The following CEP85L variants were observed in gnomAD, a reference collection of about 807,000 sequenced individuals.
The protein encoded by CEP85L is centrosomal protein 85L.
Under a neutral mutation model 100.3 loss-of-function variants are expected in CEP85L, and 60 were observed. The ratio of observed to expected loss-of-function variants is 0.60; its 90% CI spans 0.49 to 0.74. CEP85L has a LOEUF of 0.74. CEP85L is among the 30% of genes least tolerant of loss of function. CEP85L has a pLI of 0.00. For missense variants in CEP85L, 973 were observed against 936.2 expected, an observed-to-expected ratio of 1.04 and a Z score of -0.51; for synonymous variants, 319 against 322.7, an observed-to-expected ratio of 0.99 and a Z score of 0.12.
chr6:118,554,956 A>C (rs753142766), intron 3 of CEP85L, among the ~76,000 whole-genome samples: 2 of 152,210 alleles, frequency 1.3e-5, no homozygotes, highest in Non-Finnish European at 2.9e-5. Context: ...TATATGCTTC[A>C]TGATAAACTC....
intron 1 of CEP85L, among the ~76,000 whole-genome samples, chr6:118,667,181 A>G (rs1416561251): frequency 6.6e-6 from 1 of 152,176 alleles, no homozygotes; most frequent in Non-Finnish European, 1.5e-5. Flanking sequence ...ACTATACGGG[A>G]TGGTGCTGAG....
At chr6:118,581,996 A>C (rs1780603507) in intron 2 of CEP85L, among the ~76,000 whole-genome samples, 1 of 152,194 alleles carries the variant, frequency 6.6e-6, no homozygotes, top group Admixed American at 6.5e-5. Flanking sequence ...CCTGTGAAAC[A>C]GCCCAGACCT....
At chr6:118,595,662 A>G (rs1781425402) in intron 2 of CEP85L, among the ~76,000 whole-genome samples, 1 of 152,216 alleles carries the variant, frequency 6.6e-6, no homozygotes, top group Admixed American at 6.5e-5. Flanking sequence ...CGTACATATA[A>G]TGCATGAAGT....
intron 1 of CEP85L, among the ~76,000 whole-genome samples, chr6:118,701,638 G>C (rs540174721): frequency 6.6e-6 from 1 of 152,190 alleles, no homozygotes; most frequent in Non-Finnish European, 1.5e-5. Flanking sequence ...GAGAGGGAGA[G>C]AGAAAGGCAA....
chr6:118,641,604 A>G (rs1470273289), intron 1 of CEP85L, among the ~76,000 whole-genome samples: 1 of 152,144 alleles, frequency 6.6e-6, no homozygotes, highest in African/African-American at 2.4e-5. Flanking sequence ...TCGTATGGGT[A>G]TGCATTGCAG....
intron 1 of CEP85L, among the ~76,000 whole-genome samples, chr6:118,649,862 T>G (rs762384624): frequency 6.6e-6 from 1 of 151,892 alleles, no homozygotes; most frequent in Non-Finnish European, 1.5e-5. Flanking sequence ...AGGACCAAAC[T>G]TAAGTGAATG....
intron 4 of CEP85L, among the ~76,000 whole-genome samples, chr6:118,519,474 G>GTGTGT (rs1475826517): frequency 8.6e-4 from 37 of 43,224 alleles, no homozygotes; most frequent in East Asian, 1.7e-3. Flanking sequence ...GTGTGTGTGT[G>GTGTGT]GCGGGGGGGG....
At chr6:118,632,147 G>A (rs1470917032) in intron 2 of CEP85L, among the ~76,000 whole-genome samples, 3 of 152,030 alleles carry the variant, frequency 2.0e-5, no homozygotes, top group Non-Finnish European at 2.9e-5. Context: ...CCGCCACCAC[G>A]TCCAGCTAAT....
At chr6:118,490,858 A>G (rs193194144) in intron 6 of CEP85L, among the ~76,000 whole-genome samples, 3 of 152,310 alleles carry the variant, frequency 2.0e-5, no homozygotes, top group African/African-American at 7.2e-5. Context: ...GAAGTCCATG[A>G]AAAGTCAAAA....
chr6:118,461,766 G>A lies in CEP85L; in HGVS notation c.*3639C>T, dbSNP rs1772246225. ...TCCTGTTGTTTTGTGAACATGAATTGTCAAAAATGGAAACATGGCAGTTTC... is the reference window on the plus strand; with the variant it reads ...TCCTGTTGTTTTGTGAACATGAATTATCAAAAATGGAAACATGGCAGTTTC... On this transcript the variant is annotated 3_prime_UTR_variant, in exon 13 of 13. Transcript: ENST00000368491. The A allele has an allele frequency of 6.6e-6, 1 of 151,948 alleles. No individual in the cohort carries two copies. The highest frequency in any genetic ancestry group is 1.5e-5 in the Non-Finnish European group (1 of 67,904). The allele number at this position is 151,948 out of a possible 1,614,324, so 9.4% of individuals were successfully genotyped here. A position where few individuals can be genotyped will look rare whatever the true frequency, so the allele number is the denominator to read the frequency against.
chr6:118,521,363 C>A (rs574806855), intron 4 of CEP85L, among the ~76,000 whole-genome samples: 1 of 152,256 alleles, frequency 6.6e-6, no homozygotes, highest in African/African-American at 2.4e-5. Context: ...GACAGTTATG[C>A]TGCTTTAGAA....
intron 3 of CEP85L, among the ~76,000 whole-genome samples, chr6:118,528,493 A>G (rs1777102956): frequency 6.6e-6 from 1 of 152,142 alleles, no homozygotes; most frequent in South Asian, 2.1e-4. Context: ...GGAATAAAGA[A>G]AAAGGATTCC....
intron 2 of CEP85L, chr6:118,589,131 A>G (rs2115111223): frequency 3.4e-6 from 1 of 293,164 alleles, no homozygotes; most frequent in Non-Finnish European, 7.2e-6. Context: ...TCAGAGAAGA[A>G]ACACAAGGCC....
chr6:118,601,080 G>C (rs1781761388), intron 2 of CEP85L, among the ~76,000 whole-genome samples: 1 of 152,288 alleles, frequency 6.6e-6, no homozygotes, highest in Admixed American at 6.5e-5. Flanking sequence ...GCTGAGTTAA[G>C]AACATATACA....
intron 3 of CEP85L, among the ~76,000 whole-genome samples, chr6:118,547,677 T>C (rs1165643698): frequency 1.3e-5 from 2 of 152,144 alleles, no homozygotes; most frequent in East Asian, 1.9e-4. Context: ...AAACTGCTAA[T>C]TGAAGAAAAC....
At chr6:118,693,058 A>G (rs1393917142) in intron 1 of CEP85L, among the ~76,000 whole-genome samples, 1 of 152,240 alleles carries the variant, frequency 6.6e-6, no homozygotes, top group Non-Finnish European at 1.5e-5. Context: ...GAAGGAAAGC[A>G]GAGACCTCTA....
chr6:118,501,935 G>T, intron 5 of CEP85L: 1 of 991,944 alleles, frequency 1.0e-6, no homozygotes, highest in Non-Finnish European at 1.5e-6. Flanking sequence ...AATTTAGAGA[G>T]ACAGTAGGAG....
intron 2 of CEP85L, among the ~76,000 whole-genome samples, chr6:118,581,798 C>G (rs1222449048): frequency 6.6e-6 from 1 of 152,080 alleles, no homozygotes; most frequent in Non-Finnish European, 1.5e-5. Flanking sequence ...CTCCTTCAAC[C>G]CTGAGACTTT....
chr6:118,648,505 G>A (rs1775344558), intron 1 of CEP85L, among the ~76,000 whole-genome samples: 1 of 152,086 alleles, frequency 6.6e-6, no homozygotes, highest in Admixed American at 6.5e-5. Context: ...ACTTTGGGAG[G>A]CCGAGGCAGG....
Sources: gnomAD v4.1 joint callset for allele counts (sites outside exome capture counted in the v4.1 genomes callset) on GRCh38, gnomAD v4.1.1 for gene constraint, MANE v1.5 for transcripts, NCBI Gene and HGNC (gene_info 2026-07-23, HGNC 2026-07-21) for gene names.